Variants in DIAPH2 observed in about 807,000 individuals in gnomAD.
DIAPH2 encodes the protein diaphanous related formin 2.
A neutral mutation model predicts 92.7 loss-of-function variants in DIAPH2; 35 were observed. The observed-to-expected ratio is 0.38, with a 90% CI of 0.29 to 0.50. The LOEUF (loss-of-function observed/expected upper bound fraction) is 0.50, where lower values mean the gene tolerates loss of function less well. Among genes scored for constraint, DIAPH2 ranks in the 20% least tolerant of loss-of-function variants. The pLI, the probability that DIAPH2 is intolerant of heterozygous loss-of-function variation, is 0.94. For synonymous variants in DIAPH2, 301 were observed against 280.4 expected (o/e 1.07, Z -0.73); for missense variants, 701 against 819.5 (o/e 0.86, Z 1.77).
chrX:96,824,086 A>G (rs1483062989), intron 4 of DIAPH2, among the ~76,000 whole-genome samples: 2 of 110,951 alleles, frequency 1.8e-5, no homozygotes, highest in Non-Finnish European at 1.9e-5. Flanking sequence ...AACTTTAGAC[A>G]GGACATCATA....
At chrX:97,052,568 G>A (rs759982475) in intron 17 of DIAPH2, among the ~76,000 whole-genome samples, 4 of 110,867 alleles carry the variant, frequency 3.6e-5, no homozygotes, top group South Asian at 7.7e-4. Context: ...GAGCAGAGCT[G>A]TATTTAAGGA....
chrX:97,492,440 C>G (rs2070731503), intron 26 of DIAPH2, among the ~76,000 whole-genome samples: 2 of 110,998 alleles, frequency 1.8e-5, no homozygotes, highest in African/African-American at 6.5e-5. Context: ...TTATCTATGT[C>G]TATATCTATA....
chrX:97,370,565 G>C (rs781498292), intron 24 of DIAPH2, among the ~76,000 whole-genome samples: 3 of 112,003 alleles, frequency 2.7e-5, no homozygotes, highest in African/African-American at 9.7e-5. Context: ...TAAGCCTCTT[G>C]TTATCTTAAT....
intron 21 of DIAPH2, among the ~76,000 whole-genome samples, chrX:97,131,456 C>A (rs2067137604): frequency 9.0e-6 from 1 of 111,243 alleles, no homozygotes; most frequent in Admixed American, 9.6e-5. Context: ...AGGTTAAAAC[C>A]TTTAAATGCG....
intron 17 of DIAPH2, among the ~76,000 whole-genome samples, chrX:96,988,475 T>G (rs969758564): frequency 9.1e-6 from 1 of 110,137 alleles, no homozygotes; most frequent in Non-Finnish European, 1.9e-5. Flanking sequence ...ATTTGGGGCT[T>G]GAGCTGAACA....
At chrX:96,980,020 A>G (rs2065984611) in intron 17 of DIAPH2, among the ~76,000 whole-genome samples, 1 of 110,894 alleles carries the variant, frequency 9.0e-6, no homozygotes, top group East Asian at 2.8e-4. Flanking sequence ...AGCAGCATCT[A>G]GAGGGGAGTA....
At chrX:97,379,150 T>A (rs986425026) in intron 24 of DIAPH2, among the ~76,000 whole-genome samples, 16 of 111,623 alleles carry the variant, frequency 1.4e-4, no homozygotes, top group African/African-American at 4.9e-4. Context: ...GTGATATATA[T>A]GGAATCGTAG....
At position 96,939,492 on chromosome X, in the gene DIAPH2, ATATATATGTATATATATATGTATG is replaced by A. The variant is rs1479187596; in HGVS notation, c.1325+118_1325+141del. On this transcript the variant is annotated intron_variant, in intron 12 of 26. Coordinates refer to ENST00000324765, the MANE Select transcript of DIAPH2 (RefSeq NM_006729.5). The stretch of plus-strand genomic sequence containing the variant: ...TATATGCATATGTGTGTGTATGTAT[ATATATATGTATATATATATGTATG>A]TATATATATATATGTATATATATAT... The A allele has an allele frequency of 5.6e-3, 518 of 93,210 alleles. 113 individuals carry two copies. Among genetic ancestry groups the A allele is most frequent in the South Asian group, 0.028 (41 of 1,485 alleles). The allele number at this position is 93,210 out of a possible 1,213,427, so 7.7% of individuals were successfully genotyped here.
At chrX:96,933,578 ATATATTT>A (rs1167042977) in intron 10 of DIAPH2, among the ~76,000 whole-genome samples, 1 of 102,754 alleles carries the variant, frequency 9.7e-6, no homozygotes, top group Non-Finnish European at 2.0e-5. Flanking sequence ...ATATATATTT[ATATATTT>A]TATATGTTTA....
intron 4 of DIAPH2, among the ~76,000 whole-genome samples, chrX:96,827,404 A>G (rs1032622509): frequency 1.8e-5 from 2 of 112,085 alleles, no homozygotes; most frequent in Non-Finnish European, 3.8e-5. Context: ...TAAGGAGTTT[A>G]TTGCAAAGAA....
At chrX:96,916,085 AG>A (rs759876629) in intron 7 of DIAPH2, among the ~76,000 whole-genome samples, 43 of 111,902 alleles carry the variant, frequency 3.8e-4, no homozygotes, top group African/African-American at 1.3e-3. Flanking sequence ...AGACATCTCC[AG>A]GGAGACCCAG....
At chrX:97,194,582 C>T (rs1353079929) in intron 22 of DIAPH2, among the ~76,000 whole-genome samples, 3 of 111,637 alleles carry the variant, frequency 2.7e-5, no homozygotes, top group South Asian at 7.6e-4. Context: ...CTGCACCCGG[C>T]CCCTAGAAAT....
intron 21 of DIAPH2, among the ~76,000 whole-genome samples, chrX:97,137,947 C>T (rs139967332): frequency 0.019 from 2,176 of 111,855 alleles, 46 homozygotes; most frequent in African/African-American, 0.066. Flanking sequence ...GAGAACAGGA[C>T]GGGAATGAGA....
At chrX:96,820,683 C>T (rs1252981566) in intron 4 of DIAPH2, among the ~76,000 whole-genome samples, 1 of 111,863 alleles carries the variant, frequency 8.9e-6, no homozygotes, top group African/African-American at 3.2e-5. Flanking sequence ...TGACAGTGTT[C>T]TGAATGCTGA....
chrX:96,740,648 T>G (rs898281463), intron 3 of DIAPH2, among the ~76,000 whole-genome samples: 5 of 111,699 alleles, frequency 4.5e-5, no homozygotes, highest in African/African-American at 6.5e-5. Context: ...TACATTTGTG[T>G]CCTCAGATGT....
intron 9 of DIAPH2, among the ~76,000 whole-genome samples, chrX:96,925,959 T>G (rs2065578565): frequency 8.9e-6 from 1 of 111,985 alleles, no homozygotes; most frequent in Non-Finnish European, 1.9e-5. Flanking sequence ...TACTTTGACT[T>G]AAATCATCTT....
At chrX:97,290,254 A>G (rs192100436) in intron 23 of DIAPH2, among the ~76,000 whole-genome samples, 1 of 111,259 alleles carries the variant, frequency 9.0e-6, no homozygotes, top group Non-Finnish European at 1.9e-5. Flanking sequence ...TTGTAATGCA[A>G]AGAGAAACAG....
At chrX:96,882,213 G>A (rs1458399501) in intron 5 of DIAPH2, among the ~76,000 whole-genome samples, 1 of 109,408 alleles carries the variant, frequency 9.1e-6, no homozygotes, top group African/African-American at 3.3e-5. Flanking sequence ...ATCATGCCTG[G>A]CTGATGTTTG....
At chrX:97,132,637 T>C (rs2067145456) in intron 21 of DIAPH2, among the ~76,000 whole-genome samples, 1 of 111,721 alleles carries the variant, frequency 9.0e-6, no homozygotes, top group Admixed American at 9.5e-5. Flanking sequence ...TGTTTTGATA[T>C]GTGCACTGGA....
Sources: gnomAD v4.1 joint callset for allele counts (sites outside exome capture counted in the v4.1 genomes callset) on GRCh38, gnomAD v4.1.1 for gene constraint, MANE v1.5 for transcripts, NCBI Gene and HGNC (gene_info 2026-07-23, HGNC 2026-07-21) for gene names.